Variants in BIN2 observed in about 807,000 individuals in gnomAD.
The protein encoded by BIN2 is breast cancer associated protein BRAP1.
A neutral mutation model predicts 67.9 loss-of-function variants in BIN2; 43 were observed. That is an observed-to-expected ratio of 0.63 (90% confidence interval 0.50 to 0.82). BIN2 has a LOEUF of 0.82. Ranked by LOEUF, BIN2 falls within the 40% of genes least tolerant of loss-of-function variation. The pLI is 0.00. For missense variants in BIN2, 581 were observed against 671.6 expected (o/e 0.87, Z 1.49); for synonymous variants, 244 against 246.8 (o/e 0.99, Z 0.11).
chr12:51,291,190 C>G (rs904060156), intron 10 of BIN2, among the ~76,000 whole-genome samples: 3 of 151,916 alleles, frequency 2.0e-5, no homozygotes, highest in Non-Finnish European at 2.9e-5. Flanking sequence ...AGTCAATTAC[C>G]CTAAAAGTAG....
At chr12:51,316,142 C>T (rs1451747608) in intron 1 of BIN2, among the ~76,000 whole-genome samples, 1 of 152,110 alleles carries the variant, frequency 6.6e-6, no homozygotes, top group Non-Finnish European at 1.5e-5. Flanking sequence ...TATGCTGCTG[C>T]TCCTTAAAAT....
chr12:51,283,091 C>A (rs1481868483), intron 12 of BIN2, among the ~76,000 whole-genome samples: 1 of 150,770 alleles, frequency 6.6e-6, no homozygotes, highest in African/African-American at 2.4e-5. Context: ...CCTGTCTCTA[C>A]CAAAAATACA....
intron 1 of BIN2, among the ~76,000 whole-genome samples, chr12:51,316,689 A>G (rs1946143850): frequency 6.6e-6 from 1 of 152,046 alleles, no homozygotes; most frequent in African/African-American, 2.4e-5. Flanking sequence ...CCCTCTTTCT[A>G]GAATGCCTTT....
chr12:51,308,208 G>T (rs1945918602), intron 2 of BIN2, among the ~76,000 whole-genome samples: 1 of 152,124 alleles, frequency 6.6e-6, no homozygotes, highest in East Asian at 1.9e-4. Flanking sequence ...TTGTCTGGGA[G>T]TCAAGAAACT....
intron 2 of BIN2, chr12:51,304,199 C>G (rs1005408420): frequency 1.3e-5 from 2 of 152,304 alleles, no homozygotes; most frequent in African/African-American, 2.4e-5. Flanking sequence ...GAGCTGAGAT[C>G]GGATCACGCC....
At chr12:51,282,266 C>CAT (rs10625381) in intron 12 of BIN2, among the ~76,000 whole-genome samples, 20,876 of 151,372 alleles carry the variant, frequency 0.14, 2,471 homozygotes, top group East Asian at 0.53. Flanking sequence ...ATATAATAAA[C>CAT]ATATATATAT....
At chr12:51,286,335 C>T (rs566741680) in intron 11 of BIN2, among the ~76,000 whole-genome samples, 29 of 152,220 alleles carry the variant, frequency 1.9e-4, no homozygotes, top group African/African-American at 6.7e-4. Flanking sequence ...AAATATTTCT[C>T]CTTAGCTGAT....
At chr12:51,290,825 C>T (rs906920784) in intron 10 of BIN2, among the ~76,000 whole-genome samples, 2 of 152,078 alleles carry the variant, frequency 1.3e-5, no homozygotes, top group African/African-American at 4.8e-5. Context: ...CCCAGCTACT[C>T]GGGAGGCTGA....
intron 5 of BIN2, among the ~76,000 whole-genome samples, chr12:51,301,680 T>G (rs1261942915): frequency 1.3e-5 from 2 of 152,058 alleles, no homozygotes; most frequent in East Asian, 3.9e-4. Flanking sequence ...CTATTTTTTT[T>G]TGTATTTTTT....
intron 2 of BIN2, among the ~76,000 whole-genome samples, chr12:51,308,015 G>C (rs1945914485): frequency 6.6e-6 from 1 of 151,990 alleles, no homozygotes; most frequent in African/African-American, 2.4e-5. Flanking sequence ...GAGAGTGAGT[G>C]TGTGTGTGTG....
intron 2 of BIN2, among the ~76,000 whole-genome samples, chr12:51,310,990 C>T (rs1945977510): frequency 1.3e-5 from 2 of 152,000 alleles, no homozygotes; most frequent in Admixed American, 6.6e-5. Context: ...AACTTCTGAG[C>T]TCAGCACTTT....
At chr12:51,293,482 T>C (rs1592256928) in intron 9 of BIN2, among the ~76,000 whole-genome samples, 1 of 152,004 alleles carries the variant, frequency 6.6e-6, no homozygotes, top group South Asian at 2.1e-4. Flanking sequence ...GCTAATTTTT[T>C]TTTGTATTTT....
intron 12 of BIN2, 113 bp from the exon 13 acceptor site, chr12:51,281,641 GC>G (rs1945122263): frequency 8.9e-7 from 1 of 1,118,758 alleles, no homozygotes; most frequent in African/African-American, 1.5e-5. Context: ...AATGCCACTG[GC>G]CTCTCTTGAG....
Position 51,321,549 on chromosome 12 carries a change from G to A in BIN2, c.81+2473C>T, listed in dbSNP as rs1374839835. ...TGAGTAGCTGGGATTACAGGCATGC[G>A]CCACCACACCCGGCTGATTTTGTAT... On this transcript the variant is annotated intron_variant, in intron 1 of 12. Transcript: ENST00000615107. 5.3e-5 allele frequency among the ~76,000 whole-genome samples: 8 copies of A among 152,018 alleles called. No individual in the cohort carries two copies. In the East Asian group the frequency reaches 1.2e-3, roughly 22 times the overall value.
chr12:51,295,580 ATATATATATATATATATATATAT>A (rs1565676127), intron 9 of BIN2, among the ~76,000 whole-genome samples, 193 bp downstream of exon 9: 2,083 of 39,428 alleles, frequency 0.053, 309 homozygotes, highest in Non-Finnish European at 0.072. Flanking sequence ...AAAAAAAAAT[ATATATATATATATATATATATAT>A]ATATATATAT....
chr12:51,282,684 G>T (rs1945143381), intron 12 of BIN2, among the ~76,000 whole-genome samples: 2 of 151,958 alleles, frequency 1.3e-5, no homozygotes, highest in Non-Finnish European at 2.9e-5. Flanking sequence ...CAGCTTCTTT[G>T]TCCCGGGTTC....
intron 2 of BIN2, among the ~76,000 whole-genome samples, chr12:51,313,410 T>C (rs1406934382): frequency 6.6e-6 from 1 of 151,660 alleles, no homozygotes; most frequent in Non-Finnish European, 1.5e-5. Flanking sequence ...AAGATCTCTG[T>C]TCACTGCAAC....
chr12:51,302,490 C>A lies in BIN2; in HGVS notation c.312+196G>T, dbSNP rs1215116146. The A allele has an allele frequency of 2.8e-5, 16 of 578,092 alleles. No homozygotes were observed. The South Asian group carries it at 3.3e-4, about 12-fold the overall frequency. The allele number at this position is 578,092 out of a possible 1,614,324, so 35.8% of individuals were successfully genotyped here. A position where few individuals can be genotyped will look rare whatever the true frequency, so the allele number is the denominator to read the frequency against. ...AGAAGAGGGTCAAAATTAGAGGGAT[C>A]CACAGATTAGGGAAAACTTGTTTTT... On this transcript the variant is annotated intron_variant, in intron 4 of 12. Coordinates refer to ENST00000615107, the MANE Select transcript of BIN2 (RefSeq NM_016293.4).
chr12:51,322,702 C>G (rs1233925751), intron 1 of BIN2: 1 of 151,934 alleles, frequency 6.6e-6, no homozygotes, highest in Admixed American at 6.6e-5. Flanking sequence ...GCCCTGCTCT[C>G]GGGTCTACCA....
Sources: allele counts gnomAD v4.1 joint callset (sites outside exome capture counted in the v4.1 genomes callset), GRCh38; gene constraint gnomAD v4.1.1; transcripts MANE v1.5; gene names NCBI Gene and HGNC (gene_info 2026-07-23, HGNC 2026-07-21).